Variants in CHLSN observed in about 807,000 individuals in gnomAD.
CHLSN encodes protein cholesin.
chr7:1,109,550 C>T, the CHLSN span: 1 of 152,276 alleles, frequency 6.6e-6, no homozygotes, highest in Non-Finnish European at 1.5e-5. Flanking sequence ...AGCACGCAGT[C>T]GCTCCACACC....
chr7:1,026,357 G>A, the CHLSN span: 2 of 152,294 alleles, frequency 1.3e-5, no homozygotes, highest in Admixed American at 1.3e-4. Context: ...TGTCCCGGGA[G>A]GCAAGGGTTC....
At chr7:1,001,698 C>T in the CHLSN span, among the ~76,000 whole-genome samples, 30 of 37,306 alleles carry the variant, frequency 8.0e-4, no homozygotes, top group East Asian at 3.3e-3. Context: ...GGGAGTCCTG[C>T]GGGTGGGGAG....
the CHLSN span, among the ~76,000 whole-genome samples, chr7:1,078,872 T>G: frequency 6.6e-6 from 1 of 152,220 alleles, no homozygotes; most frequent in Non-Finnish European, 1.5e-5. Context: ...AGGTGCCCCC[T>G]CAAGCCCCAG....
the CHLSN span, among the ~76,000 whole-genome samples, chr7:1,131,138 C>T: frequency 0.31 from 45,300 of 147,190 alleles, 7,147 homozygotes; most frequent in African/African-American, 0.35. Flanking sequence ...CTGCAGTGAG[C>T]CATGACTGTA....
chr7:1,016,919 GCAGCACACAGCAGCACACGC>G, the CHLSN span, among the ~76,000 whole-genome samples: 20 of 77,388 alleles, frequency 2.6e-4, no homozygotes, highest in South Asian at 7.6e-4. Context: ...CCAGCGCACA[GCAGCACACAGCAGCACACGC>G]CAGCACACGC....
At chr7:1,052,739 G>C in the CHLSN span, among the ~76,000 whole-genome samples, 1 of 152,122 alleles carries the variant, frequency 6.6e-6, no homozygotes, top group Non-Finnish European at 1.5e-5. The surrounding 1 kb of genome is among the most constrained non-coding windows in gnomAD (Gnocchi z 4.2). Context: ...CGGGCAGGCA[G>C]TGCTCAGAGT....
At chr7:979,554 C>A in the CHLSN span, among the ~76,000 whole-genome samples, 4 of 152,040 alleles carry the variant, frequency 2.6e-5, no homozygotes, top group African/African-American at 4.8e-5. Flanking sequence ...GAGTTCAAGA[C>A]CAGCCTGGCC....
chr7:1,033,340 C>G, the CHLSN span, among the ~76,000 whole-genome samples: 1 of 152,122 alleles, frequency 6.6e-6, no homozygotes, highest in Non-Finnish European at 1.5e-5. Flanking sequence ...GGCGGATCAC[C>G]TGAGGTCGGG....
At chr7:1,137,573 G>A in the CHLSN span, 1 of 152,272 alleles carries the variant, frequency 6.6e-6, no homozygotes, top group African/African-American at 2.4e-5. Flanking sequence ...GCCGAGGCAG[G>A]AGGATCCATC....
At chr7:991,112 C>T in the CHLSN span, among the ~76,000 whole-genome samples, 24 of 152,128 alleles carry the variant, frequency 1.6e-4, no homozygotes, top group Non-Finnish European at 2.8e-4. Flanking sequence ...CAGGGGAGCC[C>T]GAGGCCCACG....
chr7:1,072,188 C>T, the CHLSN span, among the ~76,000 whole-genome samples: 4 of 152,206 alleles, frequency 2.6e-5, no homozygotes, highest in South Asian at 2.1e-4. Flanking sequence ...GTCCTGGAGC[C>T]GTAAGCATCC....
chr7:1,019,935 T>C, the CHLSN span, among the ~76,000 whole-genome samples: 1 of 152,228 alleles, frequency 6.6e-6, no homozygotes, highest in Non-Finnish European at 1.5e-5. Context: ...TACAGTGCGT[T>C]TCCCGAGGGA....
chr7:1,070,886 A>T, the CHLSN span, among the ~76,000 whole-genome samples: 5 of 140,462 alleles, frequency 3.6e-5, no homozygotes, highest in Non-Finnish European at 7.6e-5. Flanking sequence ...GTGCACATGC[A>T]CACACGTGCA....
chr7:1,022,106 C>A, the CHLSN span, among the ~76,000 whole-genome samples: 1 of 152,232 alleles, frequency 6.6e-6, no homozygotes, highest in East Asian at 1.9e-4. Flanking sequence ...CCTGAGTCCA[C>A]CGGAGTCTGC....
chr7:1,110,630 G>A, the CHLSN span, among the ~76,000 whole-genome samples: 4 of 152,362 alleles, frequency 2.6e-5, no homozygotes, highest in East Asian at 7.7e-4. Context: ...CGGGCCTCGC[G>A]GGGCCTGTGC....
At chr7:983,594 A>C in the CHLSN span, among the ~76,000 whole-genome samples, 3 of 152,116 alleles carry the variant, frequency 2.0e-5, no homozygotes, top group African/African-American at 4.8e-5. Flanking sequence ...GAGTACGAAG[A>C]AGCCCTGGAG....
At chr7:1,106,331 C>T in the CHLSN span, among the ~76,000 whole-genome samples, 1 of 152,312 alleles carries the variant, frequency 6.6e-6, no homozygotes, top group East Asian at 1.9e-4. Context: ...CCAGACCCAG[C>T]CAGAGCGAAA....
the CHLSN span, among the ~76,000 whole-genome samples, chr7:994,604 C>T: frequency 6.6e-6 from 1 of 152,158 alleles, no homozygotes; most frequent in East Asian, 1.9e-4. Flanking sequence ...CCACCATCCC[C>T]GGATTTTTTA....
At chr7:1,057,957 T>A in the CHLSN span, 5 of 772,116 alleles carry the variant, frequency 6.5e-6, no homozygotes, top group Non-Finnish European at 1.2e-5. Context: ...GCGGCACGTG[T>A]GCGGCTTCGT....
Sources: gnomAD v4.1 joint callset for allele counts (sites outside exome capture counted in the v4.1 genomes callset) on GRCh38, gnomAD v4.1.1 for gene constraint, Gnocchi (gnomAD v3.1) non-coding constraint, MANE v1.5 for transcripts, NCBI Gene and HGNC (gene_info 2026-07-23, HGNC 2026-07-21) for gene names.